Variants in TENM2 observed in about 807,000 individuals in gnomAD.
TENM2 encodes teneurin-2.
TENM2 carries 52 observed loss-of-function variants against 245.2 expected under a neutral mutation model. The ratio of observed to expected loss-of-function variants is 0.21; its 90% confidence interval spans 0.17 to 0.27. The LOEUF is 0.27. Ranked by LOEUF, TENM2 falls within the 10% of genes least tolerant of loss-of-function variation. The probability of loss-of-function intolerance (pLI) is 1.00; values close to 1 mark genes in which losing one functional copy is unlikely to be tolerated. For missense variants in TENM2, 3,046 were observed against 3,666.8 expected (o/e 0.83, Z 4.37); for synonymous variants, 1,363 against 1,438.9 (o/e 0.95, Z 1.19).
chr5:167,694,157 C>CGGA (rs1259815482), intron 2 of TENM2, among the ~76,000 whole-genome samples: 1 of 152,164 alleles, frequency 6.6e-6, no homozygotes, highest in Non-Finnish European at 1.5e-5. Context: ...CTCCTCTGCA[C>CGGA]TTATCCAGCT....
chr5:168,262,223 C>T (rs191390427), exon 29 of TENM2: 10 of 1,604,702 alleles, frequency 6.2e-6, no homozygotes, highest in South Asian at 2.2e-5. Flanking sequence ...CAAAGAAGGG[C>T]GGGTGACCAC....
the TENM2 span, among the ~76,000 whole-genome samples, chr5:167,232,082 G>A: frequency 0.21 from 31,655 of 152,028 alleles, 3,849 homozygotes; most frequent in African/African-American, 0.34. Flanking sequence ...ATATTTCAGA[G>A]GATGTATGGA....
intron 2 of TENM2, among the ~76,000 whole-genome samples, chr5:167,563,113 A>T (rs975287429): frequency 3.9e-5 from 6 of 152,174 alleles, no homozygotes; most frequent in African/African-American, 1.4e-4. Context: ...TGATATCAGC[A>T]TGAAAAGACC....
intron 1 of TENM2, among the ~76,000 whole-genome samples, chr5:167,323,986 G>A (rs890424745): frequency 6.6e-6 from 1 of 152,152 alleles, no homozygotes; most frequent in Non-Finnish European, 1.5e-5. Flanking sequence ...GAGAACCTAT[G>A]GCATGATGTA....
the TENM2 span, among the ~76,000 whole-genome samples, chr5:167,157,039 G>C: frequency 9.9e-5 from 15 of 152,078 alleles, no homozygotes; most frequent in Admixed American, 9.8e-4. Context: ...ATGCAGGTGT[G>C]CTTCATAATA....
chr5:167,180,356 G>A, the TENM2 span, among the ~76,000 whole-genome samples: 4 of 152,068 alleles, frequency 2.6e-5, no homozygotes, highest in South Asian at 2.1e-4. Flanking sequence ...TGATCTGCCC[G>A]CCTCAGCCTC....
intron 2 of TENM2, among the ~76,000 whole-genome samples, chr5:167,537,825 T>C (rs1310147843): frequency 6.6e-6 from 1 of 152,212 alleles, no homozygotes; most frequent in Non-Finnish European, 1.5e-5. Flanking sequence ...ATAGAGACTT[T>C]ATTAAGGAGT....
chr5:167,256,844 G>T, the TENM2 span, among the ~76,000 whole-genome samples: 1 of 152,114 alleles, frequency 6.6e-6, no homozygotes, highest in Non-Finnish European at 1.5e-5. Flanking sequence ...TTGGGAAAAA[G>T]AAAAGAGAAA....
intron 1 of TENM2, among the ~76,000 whole-genome samples, chr5:167,329,551 CAAAAAAAAAAAAAAAAA>C (rs34165505): frequency 4.6e-5 from 1 of 21,936 alleles, no homozygotes; most frequent in East Asian, 1.3e-3. Context: ...GACTCAGTCT[CAAAAAAAAAAAAAAAAA>C]AAAAAAAAAA....
At chr5:168,169,786 G>A (rs974365063) in intron 13 of TENM2, among the ~76,000 whole-genome samples, 11 of 152,174 alleles carry the variant, frequency 7.2e-5, no homozygotes, top group Non-Finnish European at 1.5e-4. Flanking sequence ...TATCCCAATC[G>A]TGTTGATGGA....
At chr5:168,237,813 T>C (rs943230827) in intron 25 of TENM2, among the ~76,000 whole-genome samples, 3 of 151,858 alleles carry the variant, frequency 2.0e-5, no homozygotes, top group African/African-American at 4.8e-5. Flanking sequence ...CAATGTAGCA[T>C]TGAGTCTTGT....
the TENM2 span, among the ~76,000 whole-genome samples, chr5:167,005,655 G>GT: frequency 0.051 from 2,680 of 52,814 alleles, 100 homozygotes; most frequent in Middle Eastern, 0.068. Flanking sequence ...CTGTGTGTGG[G>GT]TTTTTTTTTT....
At chr5:167,113,614 T>C in the TENM2 span, among the ~76,000 whole-genome samples, 1 of 147,142 alleles carries the variant, frequency 6.8e-6, no homozygotes, top group Non-Finnish European at 1.5e-5. Context: ...CTGTATTTCA[T>C]CCTGGGCAAC....
intron 1 of TENM2, among the ~76,000 whole-genome samples, chr5:167,340,996 G>T (rs1411292501): frequency 6.6e-6 from 1 of 152,036 alleles, no homozygotes; most frequent in African/African-American, 2.4e-5. Context: ...CGTCCCTCTT[G>T]GTTTGCAGAC....
chr5:168,244,004 T>G lies in TENM2; in HGVS notation c.5521-416T>G, dbSNP rs937241647. Among the ~76,000 whole-genome samples, 1 of 149,054 alleles carries G rather than the reference T, an allele frequency of 6.7e-6. No homozygotes were observed. The highest frequency in any genetic ancestry group is 1.5e-5 in the Non-Finnish European group (1 of 67,316). On this transcript the variant is annotated intron_variant, in intron 25 of 28. Transcript: ENST00000518659. This position sits in a 1 kb window ranked among gnomAD's most constrained non-coding sequence, Gnocchi z 4.9. ...ACCCAGGCTGGAGTGCATGGCACAA[T>G]TTCAGCTCACTGCCATCTCCACCTC...
At chr5:167,532,701 C>T (rs1433625174) in intron 2 of TENM2, among the ~76,000 whole-genome samples, 2 of 143,746 alleles carry the variant, frequency 1.4e-5, no homozygotes, top group Non-Finnish European at 1.5e-5. Context: ...TGTATATATA[C>T]ATATCTATAT....
chr5:167,872,540 GAAAGAA>G (rs1773042213), intron 2 of TENM2, among the ~76,000 whole-genome samples: 2 of 49,850 alleles, frequency 4.0e-5, no homozygotes, highest in Admixed American at 1.7e-4. Flanking sequence ...AAGAAAGAAA[GAAAGAA>G]AGAGAAAGAA....
rs147520553 is a variant in TENM2, at chr5:167,875,019, A to G, written c.503-967A>G. ...ACTTCTACCTCAAACTAATGAGTCT[A>G]GTTTTAGAGTACCTTATTTTTGGTC... On this transcript the variant is annotated intron_variant, in intron 2 of 28. Transcript: ENST00000518659. Among the ~76,000 whole-genome samples, 319 of 152,300 alleles carry G rather than the reference A, an allele frequency of 2.1e-3. 1 individual carries two copies. The highest frequency in any genetic ancestry group is 7.2e-3 in the African/African-American group (301 of 41,568).
At chr5:167,772,584 G>A (rs546125393) in intron 2 of TENM2, among the ~76,000 whole-genome samples, 43 of 151,486 alleles carry the variant, frequency 2.8e-4, no homozygotes, top group Admixed American at 2.2e-3. Context: ...TACCAGGCCC[G>A]ACATTTTCTT....
Sources: allele counts gnomAD v4.1 joint callset (sites outside exome capture counted in the v4.1 genomes callset), GRCh38; gene constraint gnomAD v4.1.1; non-coding constraint Gnocchi (gnomAD v3.1); transcripts MANE v1.5; gene names NCBI Gene and HGNC (gene_info 2026-07-23, HGNC 2026-07-21).